Variants in GRM1 observed in about 807,000 individuals in gnomAD.
GRM1 encodes metabotropic glutamate receptor 1.
Under a neutral mutation model 90.9 loss-of-function variants are expected in GRM1, and 33 were observed. The ratio of observed to expected loss-of-function variants is 0.36; its 90% CI spans 0.28 to 0.49. GRM1 has a LOEUF of 0.49. Among genes scored for constraint, GRM1 ranks in the 20% least tolerant of loss-of-function variants. The probability of loss-of-function intolerance (pLI) is 0.99; values close to 1 mark genes in which losing one functional copy is unlikely to be tolerated. For synonymous variants in GRM1, 700 were observed against 613.2 expected (o/e 1.14, Z -2.09); for missense variants, 1,190 against 1,534.3 (o/e 0.78, Z 3.75).
In GRM1 at chr6:146,399,668, C is replaced by T. The variant is rs1440682812; in HGVS notation, c.2629C>T (p.Arg877Ter). The part of the protein sequence containing the change: ...CRSNTFLNIF[R>*]RKKAGAGNAN... ...CTCCAACACTTTCCTCAACATCTTC[C>T]GAAGAAAGAAGGCAGGGGCAGGGAA... The change falls in exon 7 of 8, where the codon CGA becomes TGA. Residue 877 changes from arginine (R) to a stop codon, truncating the protein, a stop_gained. Transcript: ENST00000282753. LOFTEE classifies it high-confidence loss of function. The surrounding 1 kb of genome is among the most constrained non-coding windows in gnomAD (Gnocchi z 5.4). 3 of 1,613,222 alleles carry T rather than the reference C, an allele frequency of 1.9e-6. No individual in the cohort carries two copies. Among genetic ancestry groups the T allele is most frequent in the African/African-American group, 1.3e-5 (1 of 74,898 alleles).
At chr6:146,215,096 T>C (rs1779824101) in intron 2 of GRM1, among the ~76,000 whole-genome samples, 1 of 152,226 alleles carries the variant, frequency 6.6e-6, no homozygotes, top group South Asian at 2.1e-4. Context: ...TGCTCAAAGT[T>C]TGTCACTCCA....
At chr6:146,226,514 TATGAAA>T (rs1780244876) in intron 2 of GRM1, among the ~76,000 whole-genome samples, 2 of 152,152 alleles carry the variant, frequency 1.3e-5, no homozygotes, top group Non-Finnish European at 2.9e-5. Context: ...GTTGCTTGCA[TATGAAA>T]CCATCTGGAG....
intron 1 of GRM1, among the ~76,000 whole-genome samples, chr6:146,034,106 A>C (rs1790800129): frequency 6.6e-6 from 1 of 152,050 alleles, no homozygotes; most frequent in Non-Finnish European, 1.5e-5. Context: ...AAAGCTTTCT[A>C]ATTGTGATTA....
At chr6:146,178,338 T>C (rs1467691341) in intron 2 of GRM1, among the ~76,000 whole-genome samples, 9 of 152,312 alleles carry the variant, frequency 5.9e-5, no homozygotes, top group South Asian at 4.1e-4. Context: ...AGAGGTAAAG[T>C]GCCATTTTCA....
At chr6:146,156,511 C>G (rs891262818) in intron 1 of GRM1, among the ~76,000 whole-genome samples, 1 of 152,206 alleles carries the variant, frequency 6.6e-6, no homozygotes, top group African/African-American at 2.4e-5. Flanking sequence ...GATTGACTGA[C>G]AAGGGGATCC....
At chr6:146,431,399 A>G (rs1318523164) in intron 7 of GRM1, among the ~76,000 whole-genome samples, 1 of 152,214 alleles carries the variant, frequency 6.6e-6, no homozygotes, top group Non-Finnish European at 1.5e-5. Context: ...AGAGGCCCAC[A>G]TAGAACCTGT....
chr6:146,427,756 C>A (rs1778263136), intron 7 of GRM1, among the ~76,000 whole-genome samples: 1 of 152,186 alleles, frequency 6.6e-6, no homozygotes, highest in Non-Finnish European at 1.5e-5. Context: ...TAGGTCAGAG[C>A]CACTCTACTG....
chr6:146,097,954 A>G (rs1776926969), intron 1 of GRM1, among the ~76,000 whole-genome samples: 1 of 152,166 alleles, frequency 6.6e-6, no homozygotes, highest in African/African-American at 2.4e-5. Context: ...TGATCTCCTT[A>G]TTGACCACAG....
intron 3 of GRM1, among the ~76,000 whole-genome samples, chr6:146,337,138 G>T (rs564266677): frequency 1.3e-5 from 2 of 152,166 alleles, no homozygotes; most frequent in African/African-American, 4.8e-5. Context: ...ATGTGGAGAT[G>T]TGCGGTACAG....
At chr6:146,117,745 C>T (rs1316402271) in intron 1 of GRM1, among the ~76,000 whole-genome samples, 1 of 152,002 alleles carries the variant, frequency 6.6e-6, no homozygotes, top group African/African-American at 2.4e-5. Flanking sequence ...TATCTATAGC[C>T]TTTATAAGAC....
intron 1 of GRM1, among the ~76,000 whole-genome samples, chr6:146,091,465 C>G (rs1162613695): frequency 1.3e-5 from 2 of 152,022 alleles, no homozygotes; most frequent in Non-Finnish European, 2.9e-5. Context: ...TGAGCTTTAA[C>G]AGATGAGTAC....
intron 2 of GRM1, among the ~76,000 whole-genome samples, chr6:146,254,321 C>T (rs532185818): frequency 6.6e-6 from 1 of 152,226 alleles, no homozygotes; most frequent in South Asian, 2.1e-4. Flanking sequence ...TTGACCCCTT[C>T]CAGCTTCCAC....
At chr6:146,352,549 A>G in intron 4 of GRM1, 53 bp downstream of exon 4, 1 of 1,567,954 alleles carries the variant, frequency 6.4e-7, no homozygotes. Flanking sequence ...CCTGTGCCAG[A>G]CAGATGGCAA....
At chr6:146,140,799 G>A (rs375569913) in intron 1 of GRM1, among the ~76,000 whole-genome samples, 1 of 151,910 alleles carries the variant, frequency 6.6e-6, no homozygotes, top group African/African-American at 2.4e-5. Flanking sequence ...TTGACTTTTT[G>A]TTGTTTCTAT....
At chr6:146,136,690 G>T (rs937927948) in intron 1 of GRM1, among the ~76,000 whole-genome samples, 2 of 152,048 alleles carry the variant, frequency 1.3e-5, no homozygotes, top group Non-Finnish European at 2.9e-5. Context: ...CTTGTCAGAT[G>T]GGTAGTTTGC....
chr6:146,248,730 T>C (rs1781164647), intron 2 of GRM1, among the ~76,000 whole-genome samples: 1 of 152,118 alleles, frequency 6.6e-6, no homozygotes, highest in Non-Finnish European at 1.5e-5. Flanking sequence ...CAGGCAGAGA[T>C]TGAAACAGTT....
chr6:146,289,666 T>C lies in GRM1; in HGVS notation c.951-14945T>C, dbSNP rs908848007. ...CCTCTAATCCCACAAGCTCCATTCA[T>C]AGTAAGTGTCCTGTACAGGGGTACC... On this transcript the variant is annotated intron_variant, in intron 2 of 7. Transcript: ENST00000282753. Among the ~76,000 whole-genome samples the C allele has an allele frequency of 9.2e-5, 14 of 152,246 alleles. 1 individual carries two copies. The highest frequency in any genetic ancestry group is 1.5e-5 in the Non-Finnish European group (1 of 68,040).
At chr6:146,180,537 G>A (rs577006751) in intron 2 of GRM1, among the ~76,000 whole-genome samples, 11 of 152,050 alleles carry the variant, frequency 7.2e-5, no homozygotes, top group Non-Finnish European at 1.6e-4. Context: ...TATATTGTGT[G>A]GAGTGATCGT....
intron 1 of GRM1, among the ~76,000 whole-genome samples, chr6:146,030,926 C>G (rs1182685427): frequency 6.6e-6 from 1 of 152,094 alleles, no homozygotes; most frequent in Non-Finnish European, 1.5e-5. Context: ...CACTGGTGAC[C>G]ACTTGGATTT....
Sources: allele counts gnomAD v4.1 joint callset (sites outside exome capture counted in the v4.1 genomes callset), GRCh38; gene constraint gnomAD v4.1.1; non-coding constraint Gnocchi (gnomAD v3.1); transcripts MANE v1.5; gene names NCBI Gene and HGNC (gene_info 2026-07-23, HGNC 2026-07-21).